Variants in MALRD1 observed in about 807,000 individuals in gnomAD.
MALRD1 encodes MAM and LDL-receptor class A domain-containing protein 1.
In MALRD1, 247 loss-of-function variants were observed where a neutral mutation model predicts 242.1. That is an observed-to-expected ratio of 1.02 (90% CI 0.92 to 1.13). The LOEUF is 1.13. Among genes scored for constraint, MALRD1 ranks in the 50% most tolerant of loss-of-function variants. The pLI is 0.00. For synonymous variants in MALRD1, 995 were observed against 866.6 expected (o/e 1.15, Z -2.60); for missense variants, 2,989 against 2,533.1 (o/e 1.18, Z -3.86).
chr10:19,664,668 T>A (rs142163617), intron 36 of MALRD1, among the ~76,000 whole-genome samples: 142 of 152,012 alleles, frequency 9.3e-4, no homozygotes, highest in African/African-American at 3.3e-3. Flanking sequence ...TAAATTTGTA[T>A]TGTTTCTATA....
intron 38 of MALRD1, among the ~76,000 whole-genome samples, chr10:19,708,340 C>CTTTTTTT (rs545136011): frequency 6.6e-5 from 5 of 76,084 alleles, no homozygotes; most frequent in East Asian, 3.9e-4. Context: ...TTTTCTTTTT[C>CTTTTTTT]TTTTTTTTTT....
At chr10:19,130,044 A>G (rs549025689) in intron 8 of MALRD1, among the ~76,000 whole-genome samples, 1 of 151,998 alleles carries the variant, frequency 6.6e-6, no homozygotes, top group South Asian at 2.1e-4. Flanking sequence ...ATGAGATATA[A>G]TTTTCCTGGC....
chr10:19,501,180 T>C (rs984551983), intron 31 of MALRD1, among the ~76,000 whole-genome samples: 3 of 152,132 alleles, frequency 2.0e-5, no homozygotes, highest in African/African-American at 7.2e-5. Flanking sequence ...GAAAGAATGT[T>C]CCAGAGCTAG....
intron 31 of MALRD1, among the ~76,000 whole-genome samples, chr10:19,498,974 A>T (rs1837845498): frequency 6.6e-6 from 1 of 152,204 alleles, no homozygotes; most frequent in South Asian, 2.1e-4. Context: ...ATATGCAAAG[A>T]TATACAACTG....
intron 15 of MALRD1, 83 bp downstream of exon 15, chr10:19,203,963 T>G: frequency 1.1e-4 from 163 of 1,469,346 alleles, no homozygotes; most frequent in Non-Finnish European, 1.4e-4. Context: ...CTAGTACGGT[T>G]CTGTGATAAC....
rs191991384 is a variant in MALRD1, at chr10:19,454,650, C to T, written c.5029+4160C>T. ...GTGATGAGGTTATGTCCTGATAAAC[C>T]CACTGTAAAGTTGAAGGATTATAAA... On this transcript the variant is annotated intron_variant, in intron 29 of 39. Coordinates refer to ENST00000454679, the MANE Select transcript of MALRD1 (RefSeq NM_001142308.3). 3.4e-3 allele frequency among the ~76,000 whole-genome samples: 510 copies of T among 149,572 alleles called. 1 individual carries two copies. Among genetic ancestry groups the T allele is most frequent in the Middle Eastern group, 0.014 (4 of 292 alleles).
chr10:19,667,414 A>T (rs1301852103), intron 36 of MALRD1, among the ~76,000 whole-genome samples: 1 of 152,090 alleles, frequency 6.6e-6, no homozygotes, highest in Non-Finnish European at 1.5e-5. Flanking sequence ...CACATGATAT[A>T]CTTTGGATCT....
chr10:19,141,975 A>G (rs929827694), intron 10 of MALRD1, among the ~76,000 whole-genome samples: 2 of 151,996 alleles, frequency 1.3e-5, no homozygotes, highest in African/African-American at 2.4e-5. Flanking sequence ...GATCCAGACC[A>G]TCCTTGCTAA....
intron 24 of MALRD1, among the ~76,000 whole-genome samples, chr10:19,346,616 A>T (rs1174540056): frequency 6.6e-6 from 1 of 152,148 alleles, no homozygotes; most frequent in Non-Finnish European, 1.5e-5. Context: ...TCTAAACAGT[A>T]CATTTTGTTA....
chr10:19,428,262 C>T (rs1274967357), intron 28 of MALRD1, among the ~76,000 whole-genome samples: 1 of 151,544 alleles, frequency 6.6e-6, no homozygotes, highest in African/African-American at 2.4e-5. Context: ...AAAGGTTTTC[C>T]TTCTTTATGA....
At chr10:19,587,777 A>G (rs1837513840) in intron 33 of MALRD1, among the ~76,000 whole-genome samples, 1 of 152,186 alleles carries the variant, frequency 6.6e-6, no homozygotes, top group African/African-American at 2.4e-5. Context: ...GGAATGTCGA[A>G]GTTCCTAAAT....
chr10:19,555,792 G>C (rs1181399406), intron 32 of MALRD1, among the ~76,000 whole-genome samples: 1 of 152,170 alleles, frequency 6.6e-6, no homozygotes, highest in Admixed American at 6.5e-5. Context: ...ATTAGGCAAA[G>C]ATGTTTGGTC....
intron 30 of MALRD1, among the ~76,000 whole-genome samples, chr10:19,493,729 C>G (rs982438027): frequency 1.3e-5 from 2 of 151,720 alleles, no homozygotes; most frequent in Admixed American, 6.6e-5. Context: ...CAGAGAATTG[C>G]TTGAACCTGG....
intron 5 of MALRD1, among the ~76,000 whole-genome samples, chr10:19,113,294 T>C (rs1202848896): frequency 1.3e-5 from 2 of 152,184 alleles, no homozygotes; most frequent in East Asian, 1.9e-4. Context: ...AGTAGTCCAA[T>C]GTCCTCCTTC....
chr10:19,376,543 T>A (rs10827331), intron 26 of MALRD1, among the ~76,000 whole-genome samples: 42,163 of 73,366 alleles, frequency 0.57, 9,472 homozygotes, highest in African/African-American at 0.61. Context: ...TGATACATTC[T>A]TTTTTTTTTT....
At position 19,444,619 on chromosome 10, in the gene MALRD1, A is replaced by G. The variant is rs555508525; in HGVS notation, c.4846-5688A>G. Reference sequence around the variant, plus strand: ...TGGGTTGAAAATTATTTTCTTTAAGAATGTTGAATATTGGCCCTCACTCTC... The same window carrying G: ...TGGGTTGAAAATTATTTTCTTTAAGGATGTTGAATATTGGCCCTCACTCTC... On this transcript the variant is annotated intron_variant, in intron 28 of 39. Coordinates refer to ENST00000454679, the MANE Select transcript of MALRD1 (RefSeq NM_001142308.3). Among the ~76,000 whole-genome samples, 20 of 152,248 alleles carry G rather than the reference A, an allele frequency of 1.3e-4. No homozygotes were observed. In the South Asian group the frequency reaches 3.9e-3, roughly 30 times the overall value.
intron 14 of MALRD1, among the ~76,000 whole-genome samples, chr10:19,198,349 G>C (rs1044794406): frequency 6.6e-6 from 1 of 152,198 alleles, no homozygotes; most frequent in Admixed American, 6.5e-5. Flanking sequence ...CCAACAGAGA[G>C]GTGCCCAGGT....
chr10:19,316,149 T>TTACTTA (rs1842697649), intron 21 of MALRD1, among the ~76,000 whole-genome samples: 1 of 151,406 alleles, frequency 6.6e-6, no homozygotes, highest in African/African-American at 2.4e-5. Context: ...TAAATTTACA[T>TTACTTA]AATTTACTAA....
chr10:19,232,644 A>C (rs1449291003), intron 18 of MALRD1, among the ~76,000 whole-genome samples: 2 of 152,242 alleles, frequency 1.3e-5, no homozygotes, highest in African/African-American at 4.8e-5. Flanking sequence ...TAAATATTTC[A>C]TATAAATTCT....
Sources: gnomAD v4.1 joint callset for allele counts (sites outside exome capture counted in the v4.1 genomes callset) on GRCh38, gnomAD v4.1.1 for gene constraint, MANE v1.5 for transcripts, NCBI Gene and HGNC (gene_info 2026-07-23, HGNC 2026-07-21) for gene names.